The following DOCK9 variants were observed in gnomAD, a reference collection of about 807,000 sequenced individuals.
DOCK9 encodes the protein dedicator of cytokinesis protein 9.
Under a neutral mutation model 263.3 loss-of-function variants are expected in DOCK9, and 89 were observed. The ratio of observed to expected loss-of-function variants is 0.34; its 90% CI spans 0.28 to 0.40. The LOEUF (loss-of-function observed/expected upper bound fraction) is 0.40, where lower values mean the gene tolerates loss of function less well. Among genes scored for constraint, DOCK9 ranks in the 10% least tolerant of loss-of-function variants. The probability of loss-of-function intolerance (pLI) is 1.00; values close to 1 mark genes in which losing one functional copy is unlikely to be tolerated. For synonymous variants in DOCK9, 976 were observed against 973.1 expected (o/e 1.00, Z -0.06); for missense variants, 2,140 against 2,603.4 (o/e 0.82, Z 3.87).
chr13:99,061,949 G>A (rs2041212151), intron 1 of DOCK9, among the ~76,000 whole-genome samples: 1 of 151,390 alleles, frequency 6.6e-6, no homozygotes, highest in South Asian at 2.1e-4. Context: ...ACAGCTCACC[G>A]CAGCCTCTAA....
intron 19 of DOCK9, among the ~76,000 whole-genome samples, chr13:98,886,246 G>A (rs1005828492): frequency 6.6e-6 from 1 of 152,182 alleles, no homozygotes; most frequent in Non-Finnish European, 1.5e-5. Flanking sequence ...ACTAAAGTAT[G>A]AATTTGATAG....
At chr13:99,083,614 C>T (rs1345317338) in intron 1 of DOCK9, among the ~76,000 whole-genome samples, 1 of 111,662 alleles carries the variant, frequency 9.0e-6, no homozygotes, top group Non-Finnish European at 2.3e-5. Flanking sequence ...TTATACTATT[C>T]TCTCTACTTT....
At chr13:99,067,263 G>C (rs1388859528) in intron 1 of DOCK9, among the ~76,000 whole-genome samples, 1 of 152,170 alleles carries the variant, frequency 6.6e-6, no homozygotes, top group Non-Finnish European at 1.5e-5. Context: ...TGAATCATGA[G>C]TGACAACCTG....
intron 1 of DOCK9, among the ~76,000 whole-genome samples, chr13:99,034,714 A>C (rs1396028084): frequency 2.6e-5 from 4 of 152,172 alleles, no homozygotes; most frequent in African/African-American, 9.7e-5. Flanking sequence ...TGTTTTCCTT[A>C]ATCTTCAAAT....
chr13:98,805,443 T>A (rs1229378104), intron 48 of DOCK9, among the ~76,000 whole-genome samples: 1 of 152,166 alleles, frequency 6.6e-6, no homozygotes, highest in East Asian at 1.9e-4. Flanking sequence ...ATACAGACTT[T>A]TTTTTTTCCA....
At chr13:98,927,293 A>C (rs1212423667) in intron 3 of DOCK9, among the ~76,000 whole-genome samples, 1 of 152,186 alleles carries the variant, frequency 6.6e-6, no homozygotes, top group Non-Finnish European at 1.5e-5. Flanking sequence ...ATACATTCAC[A>C]CTCAAAATTT....
intron 2 of DOCK9, among the ~76,000 whole-genome samples, chr13:98,944,043 T>C (rs1305671106): frequency 6.6e-6 from 1 of 152,208 alleles, no homozygotes; most frequent in Non-Finnish European, 1.5e-5. Flanking sequence ...TTTGCAAATA[T>C]GGTCTGCATT....
chr13:98,864,596 A>G (rs905520817), intron 30 of DOCK9, among the ~76,000 whole-genome samples: 1 of 152,250 alleles, frequency 6.6e-6, no homozygotes, highest in Non-Finnish European at 1.5e-5. Flanking sequence ...TATCAAAACT[A>G]TAAGTCATAG....
At chr13:98,936,394 A>T (rs1237436875) in intron 2 of DOCK9, among the ~76,000 whole-genome samples, 2 of 152,148 alleles carry the variant, frequency 1.3e-5, no homozygotes, top group Non-Finnish European at 2.9e-5. Flanking sequence ...CCGAGGTGGG[A>T]GGACTGCTTG....
At chr13:99,085,097 C>T (rs1293920747) in intron 1 of DOCK9, among the ~76,000 whole-genome samples, 1 of 152,222 alleles carries the variant, frequency 6.6e-6, no homozygotes, top group Non-Finnish European at 1.5e-5. Context: ...GCTTCATCTC[C>T]AATCTCCACA....
intron 1 of DOCK9, among the ~76,000 whole-genome samples, chr13:99,000,363 C>T (rs1882045059): frequency 6.6e-6 from 1 of 152,150 alleles, no homozygotes; most frequent in Admixed American, 6.5e-5. Flanking sequence ...ATGTTAGGAC[C>T]AGCAATGCAA....
At chr13:98,979,242 G>GGCGGCGGCGGCGGCGGCA (rs55651915), upstream of DOCK9, among the ~76,000 whole-genome samples, 3 of 136,176 alleles carry the variant, frequency 2.2e-5, no homozygotes, top group African/African-American at 7.8e-5. Context: ...CAGCAGCGGC[G>GGCGGCGGCGGCGGCGGCA]GCAGCAGCAG....
At position 98,885,699 on chromosome 13, in the gene DOCK9, C is replaced by G. The variant is rs373649201; in HGVS notation, c.2260+9G>C. On this transcript the variant is annotated intron_variant, in intron 20 of 52. Coordinates refer to ENST00000682017, the MANE Select transcript of DOCK9 (RefSeq NM_001366683.2). ...ATTTAAAATCAAAGGAATGGTAAGC[C>G]CCCCCAACCTTGGGTTTCAACGACA... 37 of 1,603,268 alleles carry G rather than the reference C, an allele frequency of 2.3e-5. No homozygotes were observed. Among genetic ancestry groups the G allele is most frequent in the Admixed American group, 3.5e-5 (2 of 57,404 alleles).
At chr13:98,850,014 CAAG>C in intron 36 of DOCK9, 30 bp downstream of exon 36, 17 of 1,473,572 alleles carry the variant, frequency 1.2e-5, no homozygotes, top group Non-Finnish European at 1.2e-5. Context: ...AGGAAAAAAT[CAAG>C]AGGCAGTGAT....
At chr13:99,084,163 C>T (rs1024071584) in intron 1 of DOCK9, among the ~76,000 whole-genome samples, 2 of 152,162 alleles carry the variant, frequency 1.3e-5, no homozygotes, top group African/African-American at 2.4e-5. Context: ...TGCTGTGGCT[C>T]CCTGGCAGAC....
intron 2 of DOCK9, among the ~76,000 whole-genome samples, chr13:98,947,307 C>T (rs530864361): frequency 7.2e-5 from 11 of 152,036 alleles, no homozygotes; most frequent in South Asian, 4.2e-4. Flanking sequence ...TTTCACAAGT[C>T]GTTTAAGAAT....
chr13:98,926,369 C>T (rs1417866810), intron 3 of DOCK9, among the ~76,000 whole-genome samples: 1 of 152,188 alleles, frequency 6.6e-6, no homozygotes, highest in Non-Finnish European at 1.5e-5. Context: ...CCATATAAAT[C>T]TGCCCTCAGT....
At chr13:99,080,793 T>C (rs1217972501) in intron 1 of DOCK9, among the ~76,000 whole-genome samples, 5 of 152,228 alleles carry the variant, frequency 3.3e-5, no homozygotes, top group Admixed American at 6.5e-5. Context: ...TTAGTACTGT[T>C]AGTCACCTTA....
chr13:99,014,360 A>C (rs1885046999), intron 1 of DOCK9, among the ~76,000 whole-genome samples: 1 of 152,230 alleles, frequency 6.6e-6, no homozygotes, highest in African/African-American at 2.4e-5. Flanking sequence ...TTTAACAGTT[A>C]ATATAGCACC....
Sources: allele counts gnomAD v4.1 joint callset (sites outside exome capture counted in the v4.1 genomes callset), GRCh38; gene constraint gnomAD v4.1.1; transcripts MANE v1.5; gene names NCBI Gene and HGNC (gene_info 2026-07-23, HGNC 2026-07-21).